The following LARGE1 variants were observed in gnomAD, a reference collection of about 807,000 sequenced individuals.
The protein encoded by LARGE1 is LARGE xylosyl- and glucuronyltransferase 1, also known as xylosyl- and glucuronyltransferase LARGE1.
LARGE1 carries 43 observed loss-of-function variants against 87.6 expected under a neutral mutation model. The ratio of observed to expected loss-of-function variants is 0.49; its 90% CI spans 0.38 to 0.63. LARGE1 has a LOEUF of 0.63. Among genes scored for constraint, LARGE1 ranks in the 30% least tolerant of loss-of-function variants. The pLI, the probability that LARGE1 is intolerant of heterozygous loss-of-function variation, is 0.00. For synonymous variants in LARGE1, 434 were observed against 394.6 expected (o/e 1.10, Z -1.18); for missense variants, 802 against 1,000.2 (o/e 0.80, Z 2.67).
chr22:33,141,115 G>T, the LARGE1 span, among the ~76,000 whole-genome samples: 2 of 151,604 alleles, frequency 1.3e-5, no homozygotes, highest in Non-Finnish European at 2.9e-5. Context: ...AATATCTACT[G>T]AAATCTATGG....
At chr22:33,447,559 C>T (rs546580362) in intron 6 of LARGE1, among the ~76,000 whole-genome samples, 1 of 152,340 alleles carries the variant, frequency 6.6e-6, no homozygotes, top group South Asian at 2.1e-4. Flanking sequence ...CCTCCTAGCA[C>T]TCTCTTCCTG....
In LARGE1 at chr22:33,316,243, C is replaced by T. The variant is rs764546586; in HGVS notation, c.1293G>A (p.Gln431=). The change falls in exon 11 of 15, where the codon CAG becomes CAA. Residue 431 remains glutamine (Q), a synonymous_variant. Transcript: ENST00000397394. ...CCTCGTCCAGCTCAGACAGCTGCTT[C>T]TGGAGCTGCAGGGTAGGAGAGAGGG... is the stretch of plus-strand genomic sequence containing the variant. ...SEADVNSENL[Q]KQLSELDEDD... is the part of the protein sequence containing the mutation. The T allele has an allele frequency of 1.9e-6, 3 of 1,613,576 alleles. No homozygotes were observed. The South Asian group carries it at 3.3e-5, about 18-fold the overall frequency.
chr22:33,271,527 G>C (rs1374814949), downstream of LARGE1, among the ~76,000 whole-genome samples: 1 of 152,186 alleles, frequency 6.6e-6, no homozygotes, highest in African/African-American at 2.4e-5. Flanking sequence ...CCAAATGAGG[G>C]AACCTTGTCC....
chr22:33,279,134 C>T (rs1929948282), intron 13 of LARGE1, among the ~76,000 whole-genome samples: 1 of 152,132 alleles, frequency 6.6e-6, no homozygotes. Context: ...ATGAGAGGCA[C>T]CTGAGACAGG....
At chr22:33,231,690 C>T (rs1464557137) in intron 11 of LARGE1, among the ~76,000 whole-genome samples, 3 of 152,168 alleles carry the variant, frequency 2.0e-5, no homozygotes, top group African/African-American at 4.8e-5. Context: ...TGAGAAACTA[C>T]GAAGACTAAT....
At chr22:33,101,088 G>A in the LARGE1 span, among the ~76,000 whole-genome samples, 1 of 151,986 alleles carries the variant, frequency 6.6e-6, no homozygotes, top group African/African-American at 2.4e-5. Flanking sequence ...GAGGTGATCC[G>A]CCTGCCTCAG....
chr22:33,902,355 C>T (rs2065306898), intron 1 of LARGE1, among the ~76,000 whole-genome samples: 1 of 152,162 alleles, frequency 6.6e-6, no homozygotes, highest in Non-Finnish European at 1.5e-5. Context: ...GCCACCCATC[C>T]CATTCCCCAA....
intron 6 of LARGE1, among the ~76,000 whole-genome samples, chr22:33,461,692 CAAA>C (rs59692721): frequency 1.4e-5 from 2 of 142,686 alleles, no homozygotes; most frequent in South Asian, 2.3e-4. Context: ...AGAGAAATTA[CAAA>C]AAAAAAAAAT....
intron 1 of LARGE1, among the ~76,000 whole-genome samples, chr22:33,898,886 C>T (rs1292960616): frequency 6.6e-6 from 1 of 152,224 alleles, no homozygotes; most frequent in African/African-American, 2.4e-5. Flanking sequence ...CTCCTCATTC[C>T]CTGAGATGTT....
At chr22:33,508,010 G>A (rs2070846943) in intron 6 of LARGE1, among the ~76,000 whole-genome samples, 1 of 152,132 alleles carries the variant, frequency 6.6e-6, no homozygotes, top group African/African-American at 2.4e-5. Flanking sequence ...TTGGGTTGAA[G>A]GAAGAAAAGA....
intron 1 of LARGE1, among the ~76,000 whole-genome samples, chr22:33,793,501 T>C (rs766370015): frequency 2.0e-5 from 3 of 152,182 alleles, no homozygotes; most frequent in African/African-American, 4.8e-5. Flanking sequence ...TGCAAATCCA[T>C]TTAGGAAATG....
intron 9 of LARGE1, among the ~76,000 whole-genome samples, chr22:33,359,363 A>C (rs1017496462): frequency 3.9e-5 from 6 of 152,066 alleles, no homozygotes; most frequent in Non-Finnish European, 8.8e-5. Context: ...AAAATGAAAA[A>C]AGATTTACCT....
chr22:33,471,726 T>A (rs1247269292), intron 6 of LARGE1, among the ~76,000 whole-genome samples: 1 of 152,018 alleles, frequency 6.6e-6, no homozygotes, highest in African/African-American at 2.4e-5. Flanking sequence ...GGGCTGATCT[T>A]ATGATCAATA....
At chr22:33,578,612 C>CTG (rs2078421796) in intron 5 of LARGE1, among the ~76,000 whole-genome samples, 1 of 152,268 alleles carries the variant, frequency 6.6e-6, no homozygotes. Flanking sequence ...ACCTTTATTA[C>CTG]TGTGTGTGAT....
chr22:33,752,798 T>C (rs1402835035), intron 2 of LARGE1, among the ~76,000 whole-genome samples: 1 of 152,186 alleles, frequency 6.6e-6, no homozygotes, highest in Non-Finnish European at 1.5e-5. Flanking sequence ...CCAAAAGATG[T>C]CCACATCCTA....
At chr22:33,775,514 C>CA (rs869116743) in intron 1 of LARGE1, among the ~76,000 whole-genome samples, 1 of 108 alleles carries the variant, frequency 9.3e-3, no homozygotes, top group East Asian at 0.1. Flanking sequence ...GGGTAATTTA[C>CA]CCCAGGGGAC....
At chr22:33,374,922 A>G (rs767104403) in intron 9 of LARGE1, among the ~76,000 whole-genome samples, 1 of 149,260 alleles carries the variant, frequency 6.7e-6, no homozygotes, top group Non-Finnish European at 1.5e-5. Flanking sequence ...ATCCACAGCT[A>G]TTGTTTTGAA....
intron 1 of LARGE1, among the ~76,000 whole-genome samples, chr22:33,913,252 T>C (rs964209216): frequency 6.6e-6 from 1 of 152,266 alleles, no homozygotes; most frequent in Admixed American, 6.5e-5. Context: ...TCTTACCTAA[T>C]TTACTTTTTA....
intron 1 of LARGE1, among the ~76,000 whole-genome samples, chr22:33,863,089 G>A (rs932642686): frequency 3.3e-5 from 5 of 152,122 alleles, no homozygotes; most frequent in East Asian, 3.9e-4. Flanking sequence ...GGAACTCACC[G>A]TTCCCACTTC....
Sources: gnomAD v4.1 joint callset for allele counts (sites outside exome capture counted in the v4.1 genomes callset) on GRCh38, gnomAD v4.1.1 for gene constraint, MANE v1.5 for transcripts, NCBI Gene and HGNC (gene_info 2026-07-23, HGNC 2026-07-21) for gene names.